Variants in PCSK5 observed in about 807,000 individuals in gnomAD.
The protein encoded by PCSK5 is proprotein convertase subtilisin/kexin type 5, also known as prohormone convertase 5.
PCSK5 carries 129 observed loss-of-function variants against 233.2 expected under a neutral mutation model. The ratio of observed to expected loss-of-function variants is 0.55; its 90% confidence interval spans 0.48 to 0.64. PCSK5 has a LOEUF of 0.64. Ranked by LOEUF, PCSK5 falls within the 30% of genes least tolerant of loss-of-function variation. PCSK5 has a pLI of 0.00. For missense variants in PCSK5, 2,076 were observed against 2,430.1 expected, an observed-to-expected ratio of 0.85 and a Z score of 3.06; for synonymous variants, 825 against 879.2, an observed-to-expected ratio of 0.94 and a Z score of 1.09.
In PCSK5 at chr9:76,330,100, G is replaced by T. The variant is rs114699305; in HGVS notation, c.4570+1861G>T. 9.8e-3 allele frequency among the ~76,000 whole-genome samples: 1,488 copies of T among 152,138 alleles called. 26 individuals carry two copies. The highest frequency in any genetic ancestry group is 0.034 in the African/African-American group (1,397 of 41,488). On this transcript the variant is annotated intron_variant, in intron 33 of 37. Coordinates refer to ENST00000674117, the MANE Select transcript of PCSK5 (RefSeq NM_001372043.1). Reference sequence around the variant, plus strand: ...CTTGTAACTAATAAGTAGCCTGTGGGGTTACACTTTAAGAACATGTAGATA... The same window carrying T: ...CTTGTAACTAATAAGTAGCCTGTGGTGTTACACTTTAAGAACATGTAGATA...
intron 5 of PCSK5, among the ~76,000 whole-genome samples, chr9:76,046,563 T>C (rs535701284): frequency 1.5e-4 from 17 of 116,936 alleles, no homozygotes; most frequent in Middle Eastern, 3.9e-3. Context: ...CTTTTTCTTT[T>C]TTTTTTTTTT....
chr9:75,914,474 T>TAG (rs1185459004), intron 1 of PCSK5, among the ~76,000 whole-genome samples: 1 of 152,136 alleles, frequency 6.6e-6, no homozygotes, highest in East Asian at 1.9e-4. Context: ...AAATGACCTT[T>TAG]AGGTAGTTTT....
chr9:76,203,287 A>T (rs181679457), intron 20 of PCSK5, among the ~76,000 whole-genome samples: 2 of 152,250 alleles, frequency 1.3e-5, no homozygotes, highest in African/African-American at 4.8e-5. Flanking sequence ...AGCAGCAATA[A>T]GCGGCCAGGA....
At chr9:76,258,901 C>T (rs977938881) in intron 24 of PCSK5, among the ~76,000 whole-genome samples, 5 of 152,140 alleles carry the variant, frequency 3.3e-5, no homozygotes, top group African/African-American at 9.7e-5. Context: ...CCATGGTGCA[C>T]GTGGCTAATG....
chr9:75,948,613 A>G (rs1054647309), intron 2 of PCSK5, among the ~76,000 whole-genome samples: 2 of 152,152 alleles, frequency 1.3e-5, no homozygotes, highest in African/African-American at 2.4e-5. Flanking sequence ...TAGTGCCACA[A>G]TAAATATACG....
At chr9:75,947,497 T>G (rs1824628076) in intron 2 of PCSK5, among the ~76,000 whole-genome samples, 1 of 143,700 alleles carries the variant, frequency 7.0e-6, no homozygotes, top group Admixed American at 6.9e-5. Context: ...CAAGAAAAAT[T>G]AAAAAAAAAA....
At chr9:76,231,645 C>G (rs1418153131) in intron 21 of PCSK5, among the ~76,000 whole-genome samples, 1 of 152,092 alleles carries the variant, frequency 6.6e-6, no homozygotes, top group Non-Finnish European at 1.5e-5. Flanking sequence ...TTAAACTAGC[C>G]ACATCCAGAC....
chr9:76,205,985 TG>T (rs1473167991), intron 20 of PCSK5, among the ~76,000 whole-genome samples: 2 of 152,244 alleles, frequency 1.3e-5, no homozygotes, highest in African/African-American at 2.4e-5. Flanking sequence ...AGCCTAAGCC[TG>T]GGTTGAGATG....
chr9:75,932,843 G>A (rs1249957340), intron 2 of PCSK5, among the ~76,000 whole-genome samples: 1 of 152,146 alleles, frequency 6.6e-6, no homozygotes, highest in Non-Finnish European at 1.5e-5. Context: ...GGTTGTATGA[G>A]CTCCACAAAA....
intron 10 of PCSK5, among the ~76,000 whole-genome samples, chr9:76,147,586 G>C (rs1347077843): frequency 2.0e-5 from 3 of 152,150 alleles, no homozygotes; most frequent in African/African-American, 4.8e-5. Flanking sequence ...GAATCACTGG[G>C]ACTGAGAAAT....
chr9:75,976,708 A>G (rs1490984673), intron 2 of PCSK5, among the ~76,000 whole-genome samples: 3 of 151,660 alleles, frequency 2.0e-5, no homozygotes, highest in African/African-American at 7.3e-5. Context: ...AATATTAAAT[A>G]CTTTATTCAA....
chr9:76,063,221 A>G (rs1195539148), intron 5 of PCSK5, among the ~76,000 whole-genome samples: 1 of 146,462 alleles, frequency 6.8e-6, no homozygotes, highest in African/African-American at 2.5e-5. Context: ...TGCAGCCTTG[A>G]TCTCCCGGGC....
chr9:75,957,935 A>G (rs957633285), intron 2 of PCSK5, among the ~76,000 whole-genome samples: 1 of 152,194 alleles, frequency 6.6e-6, no homozygotes, highest in African/African-American at 2.4e-5. Context: ...TGTTTCACCA[A>G]GGATCTAAGA....
At chr9:76,070,392 A>T (rs1400346728) in intron 6 of PCSK5, among the ~76,000 whole-genome samples, 1 of 152,210 alleles carries the variant, frequency 6.6e-6, no homozygotes, top group East Asian at 1.9e-4. Flanking sequence ...TCTAGAAGAA[A>T]GACAGTCAAG....
intron 7 of PCSK5, among the ~76,000 whole-genome samples, chr9:76,083,204 CAAAAAA>C (rs11324176): frequency 2.1e-4 from 16 of 75,458 alleles, no homozygotes; most frequent in African/African-American, 7.7e-4. Context: ...AGCGAGATCT[CAAAAAA>C]AAAAAAAAAA....
intron 12 of PCSK5, 75 bp from the exon 13 acceptor site, chr9:76,169,629 G>A: frequency 7.0e-7 from 1 of 1,435,180 alleles, no homozygotes; most frequent in East Asian, 2.3e-5. Flanking sequence ...ACAAAAAACA[G>A]TGTCGATTGT....
chr9:76,333,903 A>G (rs1829604885), intron 34 of PCSK5, among the ~76,000 whole-genome samples: 1 of 152,238 alleles, frequency 6.6e-6, no homozygotes, highest in South Asian at 2.1e-4. Flanking sequence ...ATGTATAAAT[A>G]AGATGAGTAA....
At chr9:76,283,939 T>G (rs1827966306) in intron 24 of PCSK5, among the ~76,000 whole-genome samples, 1 of 152,232 alleles carries the variant, frequency 6.6e-6, no homozygotes, top group African/African-American at 2.4e-5. Context: ...AGGAGATTCC[T>G]TATGTACATG....
chr9:76,304,391 T>C (rs939464493), intron 28 of PCSK5, among the ~76,000 whole-genome samples: 1 of 152,184 alleles, frequency 6.6e-6, no homozygotes, highest in Admixed American at 6.5e-5. Context: ...GTATCCATGA[T>C]TGTCATCACA....
Sources: gnomAD v4.1 joint callset for allele counts (sites outside exome capture counted in the v4.1 genomes callset) on GRCh38, gnomAD v4.1.1 for gene constraint, MANE v1.5 for transcripts, NCBI Gene and HGNC (gene_info 2026-07-23, HGNC 2026-07-21) for gene names.